GRIA2: variants seen among roughly 807,000 people sequenced by gnomAD.
GRIA2 encodes the protein glutamate receptor 2.
A neutral mutation model predicts 97.3 loss-of-function variants in GRIA2; 14 were observed. The observed-to-expected ratio is 0.14, with a 90% CI of 0.10 to 0.23. The LOEUF is 0.23. Ranked by LOEUF, GRIA2 falls within the 10% of genes least tolerant of loss-of-function variation. The pLI is 1.00. For missense variants in GRIA2, 558 were observed against 1,069.8 expected (o/e 0.52, Z 6.67); for synonymous variants, 412 against 387.8 (o/e 1.06, Z -0.73).
chr4:157,278,228 A>G (rs1320372574), intron 2 of GRIA2, among the ~76,000 whole-genome samples: 3 of 151,864 alleles, frequency 2.0e-5, no homozygotes, highest in South Asian at 4.1e-4. Context: ...CTACCTTACT[A>G]CAAAGTTACA....
At position 157,361,714 on chromosome 4, in the gene GRIA2, A is replaced by C; in HGVS notation, c.2406+590A>C. 8.7e-7 allele frequency: 1 copy of C among 1,153,312 alleles called. No homozygotes were observed. Among genetic ancestry groups the C allele is most frequent in the Non-Finnish European group, 1.3e-6 (1 of 765,512 alleles). The allele number at this position is 1,153,312 out of a possible 1,614,324, so 71.4% of individuals were successfully genotyped here. On this transcript the variant is annotated intron_variant, in intron 14 of 15. Transcript: ENST00000264426. This position sits in a 1 kb window ranked among gnomAD's most constrained non-coding sequence, Gnocchi z 5.2. ...CAAACACAAACAGCAAAATCAAACC[A>C]CAAGTGTGTTAGTGGGAATGACCCA...
rs1431468649 is a variant in GRIA2, at chr4:157,364,285, T to A, written c.*854T>A. On this transcript the variant is annotated 3_prime_UTR_variant, in exon 16 of 16. Coordinates refer to ENST00000264426, the MANE Select transcript of GRIA2 (RefSeq NM_001083619.3). Reference sequence around the variant, plus strand: ...TTGAAATAAACATTTTTCTATTGTTTTATTGCAAGTGGTCCAATTAATTTT... The same window carrying A: ...TTGAAATAAACATTTTTCTATTGTTATATTGCAAGTGGTCCAATTAATTTT... 2 of 152,448 alleles carry A rather than the reference T, an allele frequency of 1.3e-5. No individual in the cohort carries two copies. The highest frequency in any genetic ancestry group is 6.6e-5 in the Admixed American group (1 of 15,222). 9.4% of individuals were successfully genotyped at this position (152,448 alleles called of 1,614,324 possible). A position where few individuals can be genotyped will look rare whatever the true frequency, so the allele number is the denominator to read the frequency against.
chr4:157,270,185 G>A (rs934324133), intron 2 of GRIA2, among the ~76,000 whole-genome samples: 12 of 152,064 alleles, frequency 7.9e-5, no homozygotes, highest in African/African-American at 2.9e-4. Context: ...AGCTTTATGT[G>A]GCAGAGGAGA....
chr4:157,285,372 T>C (rs1353273997), intron 2 of GRIA2, among the ~76,000 whole-genome samples: 1 of 151,400 alleles, frequency 6.6e-6, no homozygotes, highest in Non-Finnish European at 1.5e-5. Flanking sequence ...TATATTTTCT[T>C]TATAGTACCT....
intron 2 of GRIA2, among the ~76,000 whole-genome samples, chr4:157,264,449 CCTT>C (rs1216797081): frequency 1.3e-5 from 2 of 152,094 alleles, no homozygotes; most frequent in Admixed American, 6.6e-5. Context: ...CTAGTACTCT[CCTT>C]CTTTTGAATT....
intron 2 of GRIA2, among the ~76,000 whole-genome samples, chr4:157,295,889 AC>A (rs1223090389): frequency 6.6e-6 from 1 of 152,140 alleles, no homozygotes; most frequent in Non-Finnish European, 1.5e-5. Flanking sequence ...AAACTTTAAA[AC>A]TTTAACAATT....
chr4:157,240,866 C>A (rs572482277), intron 2 of GRIA2, among the ~76,000 whole-genome samples: 8 of 151,646 alleles, frequency 5.3e-5, no homozygotes, highest in East Asian at 1.9e-4. Context: ...CCTCTCCCCC[C>A]ACCCCACAAC....
chr4:157,252,490 T>C (rs1259995246), intron 2 of GRIA2, among the ~76,000 whole-genome samples: 2 of 152,108 alleles, frequency 1.3e-5, no homozygotes, highest in Non-Finnish European at 2.9e-5. Context: ...TTTGGAAAAA[T>C]TGCCTCTGCC....
intron 5 of GRIA2, 65 bp from the exon 6 acceptor site, chr4:157,321,373 G>T: frequency 1.8e-6 from 2 of 1,106,284 alleles, no homozygotes; most frequent in South Asian, 1.4e-5. Context: ...AGAGTTATTT[G>T]GTAAATGTTA....
chr4:157,229,856 T>G (rs1729921431), intron 2 of GRIA2, among the ~76,000 whole-genome samples: 2 of 152,154 alleles, frequency 1.3e-5, no homozygotes, highest in Admixed American at 1.3e-4. Context: ...TATAGTCCTC[T>G]AATACTTTCA....
At chr4:157,242,510 T>C (rs1254476028) in intron 2 of GRIA2, among the ~76,000 whole-genome samples, 1 of 152,058 alleles carries the variant, frequency 6.6e-6, no homozygotes, top group African/African-American at 2.4e-5. Context: ...GGCAGATTGA[T>C]TTTATGCTTT....
chr4:157,304,012 A>G (rs1733731165), intron 3 of GRIA2, among the ~76,000 whole-genome samples: 1 of 152,214 alleles, frequency 6.6e-6, no homozygotes, highest in Admixed American at 6.5e-5. Flanking sequence ...ACTTAGAGAG[A>G]TAGACTGTAT....
intron 2 of GRIA2, among the ~76,000 whole-genome samples, chr4:157,266,904 T>G (rs1731796562): frequency 6.6e-6 from 1 of 151,452 alleles, no homozygotes; most frequent in Admixed American, 6.6e-5. Context: ...ACAAAAATAT[T>G]TAACAATTAG....
chr4:157,358,512 G>C (rs1444739772), intron 12 of GRIA2, among the ~76,000 whole-genome samples: 1 of 152,136 alleles, frequency 6.6e-6, no homozygotes, highest in Non-Finnish European at 1.5e-5. Flanking sequence ...TTAGGTGAGA[G>C]AATAAGTATT....
chr4:157,238,719 A>C, intron 2 of GRIA2, among the ~76,000 whole-genome samples: 1 of 152,262 alleles, frequency 6.6e-6, no homozygotes, highest in Middle Eastern at 3.4e-3. Flanking sequence ...TGACTGAAGT[A>C]TAATTACTGG....
At chr4:157,323,062 G>T (rs1734647848) in intron 6 of GRIA2, among the ~76,000 whole-genome samples, 1 of 152,046 alleles carries the variant, frequency 6.6e-6, no homozygotes, top group Non-Finnish European at 1.5e-5. Context: ...GTGGCCGGGC[G>T]CAGTGGCTCA....
chr4:157,319,243 A>T (rs1029250032), intron 5 of GRIA2, among the ~76,000 whole-genome samples: 3 of 152,168 alleles, frequency 2.0e-5, no homozygotes, highest in Non-Finnish European at 2.9e-5. Flanking sequence ...GAATCGTGCC[A>T]TTTGATGAAC....
At chr4:157,248,992 C>T (rs911527448) in intron 2 of GRIA2, among the ~76,000 whole-genome samples, 1 of 151,620 alleles carries the variant, frequency 6.6e-6, no homozygotes, top group Non-Finnish European at 1.5e-5. Flanking sequence ...CGTGCAACAC[C>T]ACACCTGATT....
At chr4:157,339,813 T>C (rs1392723588) in intron 11 of GRIA2, among the ~76,000 whole-genome samples, 1 of 151,932 alleles carries the variant, frequency 6.6e-6, no homozygotes, top group African/African-American at 2.4e-5. Context: ...ATTGGATAAA[T>C]AGTGAACATT....
Sources: gnomAD v4.1 joint callset for allele counts (sites outside exome capture counted in the v4.1 genomes callset) on GRCh38, gnomAD v4.1.1 for gene constraint, Gnocchi (gnomAD v3.1) non-coding constraint, MANE v1.5 for transcripts, NCBI Gene and HGNC (gene_info 2026-07-23, HGNC 2026-07-21) for gene names.